PIP5K1B: variants seen among roughly 807,000 people sequenced by gnomAD.
PIP5K1B encodes the protein phosphatidylinositol-4-phosphate 5-kinase type 1 beta, also known as phosphatidylinositol 4-phosphate 5-kinase type-1 beta.
A neutral mutation model predicts 67.0 loss-of-function variants in PIP5K1B; 42 were observed. The ratio of observed to expected loss-of-function variants is 0.63; its 90% CI spans 0.49 to 0.81. The LOEUF (loss-of-function observed/expected upper bound fraction) is 0.81. PIP5K1B is among the 30% of genes least tolerant of loss of function. The probability of loss-of-function intolerance (pLI) is 0.00; values close to 1 mark genes in which losing one functional copy is unlikely to be tolerated. For synonymous variants in PIP5K1B, 214 were observed against 231.4 expected, an observed-to-expected ratio of 0.92 and a Z score of 0.68; for missense variants, 459 against 646.3, an observed-to-expected ratio of 0.71 and a Z score of 3.14.
intron 5 of PIP5K1B, among the ~76,000 whole-genome samples, chr9:68,876,256 T>A (rs1823893130): frequency 6.6e-6 from 1 of 152,208 alleles, no homozygotes; most frequent in Non-Finnish European, 1.5e-5. Context: ...AAGAATTATT[T>A]CACTTATCCC....
At chr9:68,735,314 G>GTTTTTTTTTTTTT (rs1335685051) in intron 1 of PIP5K1B, among the ~76,000 whole-genome samples, 1 of 16,578 alleles carries the variant, frequency 6.0e-5, no homozygotes, top group Non-Finnish European at 1.3e-4. Flanking sequence ...TTCCCCTAGT[G>GTTTTTTTTTTTTT]TCTTTTTTTT....
intron 4 of PIP5K1B, among the ~76,000 whole-genome samples, chr9:68,829,268 A>G (rs976270158): frequency 4.6e-5 from 7 of 152,154 alleles, no homozygotes; most frequent in Non-Finnish European, 8.8e-5. Flanking sequence ...AGATTCTGGA[A>G]AGCCACCACT....
intron 15 of PIP5K1B, among the ~76,000 whole-genome samples, chr9:68,993,755 C>T (rs958486565): frequency 2.6e-5 from 4 of 152,188 alleles, no homozygotes; most frequent in Non-Finnish European, 5.9e-5. Context: ...GCTAAGGATT[C>T]ATGCCACTTT....
chr9:68,824,383 A>G lies in PIP5K1B; in HGVS notation c.69+1700A>G, dbSNP rs1833880917. On this transcript the variant is annotated intron_variant, in intron 4 of 15. Transcript: ENST00000265382. ...ATTTATTTAGTCAAGCAGGTTTTCA[A>G]TAATTAGTATAGGTAATTCTATGAT... The G allele has an allele frequency of 2.4e-5, 10 of 408,734 alleles. 1 individual carries two copies. Among genetic ancestry groups the G allele is most frequent in the South Asian group, 1.8e-4 (10 of 54,776 alleles). 25.3% of individuals were successfully genotyped at this position (408,734 alleles called of 1,614,324 possible).
chr9:68,763,118 T>C (rs1298351258), intron 2 of PIP5K1B, among the ~76,000 whole-genome samples: 1 of 152,102 alleles, frequency 6.6e-6, no homozygotes, highest in African/African-American at 2.4e-5. Flanking sequence ...TCTGGGTTTT[T>C]CAGAGGAAGC....
intron 4 of PIP5K1B, among the ~76,000 whole-genome samples, chr9:68,863,613 A>G (rs896982667): frequency 6.6e-6 from 1 of 152,236 alleles, no homozygotes; most frequent in African/African-American, 2.4e-5. Flanking sequence ...TCCAAATTAA[A>G]TTATAAGAAA....
At chr9:68,818,593 A>T (rs1276151300) in intron 3 of PIP5K1B, 48 bp downstream of exon 3, 1 of 152,640 alleles carries the variant, frequency 6.6e-6, no homozygotes, top group East Asian at 1.9e-4. Flanking sequence ...TCAAATCAGT[A>T]TAGAGCCCTT....
chr9:68,806,211 G>A (rs1296775743), intron 2 of PIP5K1B, among the ~76,000 whole-genome samples: 1 of 152,218 alleles, frequency 6.6e-6, no homozygotes, highest in East Asian at 1.9e-4. Flanking sequence ...CAGGCAGGGA[G>A]AAAGCTGCTC....
At chr9:68,723,695 G>GTTTTTTTTTTTTTTTTTTTT (rs36021674) in intron 1 of PIP5K1B, among the ~76,000 whole-genome samples, 6 of 50,126 alleles carry the variant, frequency 1.2e-4, no homozygotes, top group Non-Finnish European at 1.8e-4. Flanking sequence ...GAAGTATTTG[G>GTTTTTTTTTTTTTTTTTTTT]TTTTTTTTTT....
intron 14 of PIP5K1B, among the ~76,000 whole-genome samples, chr9:68,955,676 C>T (rs187928904): frequency 3.9e-4 from 60 of 152,234 alleles, no homozygotes; most frequent in Admixed American, 1.1e-3. Context: ...GAGCTGGCCT[C>T]GGGTTAAAAT....
chr9:68,733,890 G>A lies in PIP5K1B; in HGVS notation c.-242-8611G>A, dbSNP rs559157985. 1.8e-3 allele frequency among the ~76,000 whole-genome samples: 274 copies of A among 152,006 alleles called. 2 individuals are homozygous for A. Among genetic ancestry groups the A allele is most frequent in the African/African-American group, 6.3e-3 (260 of 41,464 alleles). ...CTTGACCTTGTGATCCACCCGCTTC[G>A]GCCTCCCAACGTGCTGGGATTACAG... On this transcript the variant is annotated intron_variant, in intron 1 of 15. Transcript: ENST00000265382.
intron 6 of PIP5K1B, among the ~76,000 whole-genome samples, chr9:68,885,760 A>G (rs955137471): frequency 6.6e-6 from 1 of 152,212 alleles, no homozygotes; most frequent in African/African-American, 2.4e-5. Flanking sequence ...TGATGGGTGC[A>G]TTAAAATCCC....
At chr9:68,934,225 C>A (rs1031662414) in intron 12 of PIP5K1B, among the ~76,000 whole-genome samples, 24 of 152,206 alleles carry the variant, frequency 1.6e-4, no homozygotes, top group African/African-American at 5.8e-4. Flanking sequence ...TGGTGAAGTA[C>A]ATTTTCATTA....
chr9:68,932,410 A>T (rs1827048517), intron 12 of PIP5K1B, among the ~76,000 whole-genome samples: 1 of 152,200 alleles, frequency 6.6e-6, no homozygotes, highest in Non-Finnish European at 1.5e-5. Flanking sequence ...ATTGAGAAAA[A>T]TTTAAAAATA....
At chr9:68,848,964 A>G (rs1381963972) in intron 4 of PIP5K1B, among the ~76,000 whole-genome samples, 1 of 152,260 alleles carries the variant, frequency 6.6e-6, no homozygotes, top group African/African-American at 2.4e-5. Context: ...TATTGATGAT[A>G]CTGGTATTGG....
intron 5 of PIP5K1B, among the ~76,000 whole-genome samples, chr9:68,869,789 G>A (rs971731147): frequency 6.6e-6 from 1 of 152,028 alleles, no homozygotes; most frequent in Non-Finnish European, 1.5e-5. Flanking sequence ...AGCAGCCTGG[G>A]CAATATAGTG....
chr9:68,959,460 A>G (rs763226848), intron 14 of PIP5K1B, among the ~76,000 whole-genome samples: 10 of 151,906 alleles, frequency 6.6e-5, no homozygotes, highest in Non-Finnish European at 1.0e-4. Context: ...CCCCACCCCT[A>G]TTTCCTCCTC....
At position 68,980,694 on chromosome 9, in the gene PIP5K1B, A is replaced by G. The variant is rs1417207303; in HGVS notation, c.1503-10446A>G. On this transcript the variant is annotated intron_variant, in intron 14 of 15. Coordinates refer to ENST00000265382, the MANE Select transcript of PIP5K1B (RefSeq NM_003558.4). ...GAGGAACCAGGAGCTCAGTGTCATA[A>G]CTTGCCCAGCATTGTAACCAGTAAT... Among the ~76,000 whole-genome samples, 3 of 152,210 alleles carry G rather than the reference A, an allele frequency of 2.0e-5. No individual in the cohort carries two copies. The East Asian group carries it at 5.8e-4, about 29-fold the overall frequency.
At chr9:68,851,800 C>G (rs890623668) in intron 4 of PIP5K1B, among the ~76,000 whole-genome samples, 3 of 152,226 alleles carry the variant, frequency 2.0e-5, no homozygotes, top group Admixed American at 1.3e-4. Flanking sequence ...AAAACAGTAA[C>G]TGGTCCACCA....
Sources: allele counts gnomAD v4.1 joint callset (sites outside exome capture counted in the v4.1 genomes callset), GRCh38; gene constraint gnomAD v4.1.1; transcripts MANE v1.5; gene names NCBI Gene and HGNC (gene_info 2026-07-23, HGNC 2026-07-21).